The following ANKRD24 variants were observed in gnomAD, a reference collection of about 807,000 sequenced individuals.
ANKRD24 encodes ankyrin repeat domain-containing protein 24.
In ANKRD24, 109 loss-of-function variants were observed where a neutral mutation model predicts 127.8. The ratio of observed to expected loss-of-function variants is 0.85; its 90% confidence interval spans 0.73 to 1.00. ANKRD24 has a LOEUF of 1.00. ANKRD24 is among the 50% of genes least tolerant of loss of function. The pLI is 0.00. For missense variants in ANKRD24, 1,648 were observed against 1,570.2 expected, an observed-to-expected ratio of 1.05 and a Z score of -0.84; for synonymous variants, 743 against 671.1, an observed-to-expected ratio of 1.11 and a Z score of -1.66.
chr19:4,190,291 C>T (rs1415574132), intron 2 of ANKRD24, among the ~76,000 whole-genome samples: 3 of 151,672 alleles, frequency 2.0e-5, no homozygotes, highest in African/African-American at 4.8e-5. Flanking sequence ...AAAAATCAGC[C>T]GGGCGTGGTG....
chr19:4,185,180 G>A (rs1385983422), intron 1 of ANKRD24, among the ~76,000 whole-genome samples: 1 of 151,660 alleles, frequency 6.6e-6, no homozygotes, highest in Non-Finnish European at 1.5e-5. Context: ...GGATGGATGG[G>A]TGGATGAGTG....
chr19:4,195,238 A>T lies in ANKRD24; in HGVS notation c.37-4445A>T, dbSNP rs949563393. 6.6e-6 allele frequency among the ~76,000 whole-genome samples: 1 copy of T among 151,682 alleles called. No individual in the cohort carries two copies. Among genetic ancestry groups the T allele is most frequent in the East Asian group, 2.0e-4 (1 of 5,116 alleles). On this transcript the variant is annotated intron_variant, in intron 2 of 21. Coordinates refer to ENST00000318934, the MANE Select transcript of ANKRD24 (RefSeq NM_001393985.1). The surrounding 1 kb of genome is among the most constrained non-coding windows in gnomAD (Gnocchi z 4.2). ...CAGGCGCCCACCACCACGCCCGGCT[A>T]ATTTTTTGTATTTTTAGTAGAGACG...
At chr19:4,182,939 C>T (rs1323056723) in intron 1 of ANKRD24, among the ~76,000 whole-genome samples, 199 bp downstream of exon 1, 5 of 144,564 alleles carry the variant, frequency 3.5e-5, no homozygotes, top group African/African-American at 1.3e-4. Flanking sequence ...TTTTGAATGC[C>T]ACGCAGAGTT....
Position 4,217,971 on chromosome 19 carries a change from G to A in ANKRD24, c.2811G>A (p.Glu937=), listed in dbSNP as rs1167904395. 3.3e-6 allele frequency: 5 copies of A among 1,519,076 alleles called. No individual in the cohort carries two copies. The highest frequency in any genetic ancestry group is 2.9e-5 in the African/African-American group (2 of 70,064). The allele number at this position is 1,519,076 out of a possible 1,614,324, so 94.1% of individuals were successfully genotyped here. ...TGCGGGGCCGGGCAGCCAGTCTGGA[G>A]CAGGAGGTGGTGGCCACGGGCAAGG... ...LELRGRAASL[E]QEVVATGKEA... Residue 937 remains glutamate, a synonymous_variant, in exon 18 of 22, where the codon GAG becomes GAA. Transcript: ENST00000318934.
chr19:4,217,873 G>T lies in ANKRD24; in HGVS notation c.2713G>T (p.Ala905Ser), dbSNP rs1181731360. ...GCAGGGCCTGGCCGAGCTGCGGGAG[G>T]CCTCCGAGGCCCTCCGCCAGTCCGT... ...ARQGLAELRE[A>S]SEALRQSVVP... Residue 905 changes from alanine (A) to serine (S), a missense_variant, in exon 18 of 22, where the codon GCC (alanine) becomes TCC (serine). Physicochemically the swap from Ala to Ser is moderately conservative, Grantham distance 99. Transcript: ENST00000318934. 4.0e-5 allele frequency: 58 copies of T among 1,459,950 alleles called. No individual in the cohort carries two copies. In the East Asian group the frequency reaches 8.0e-4, roughly 20 times the overall value. 90.4% of individuals were successfully genotyped at this position (1,459,950 alleles called of 1,614,324 possible).
rs868290834 is a variant in ANKRD24 at position 4,208,786 on chromosome 19, C to A, written c.855C>A (p.Gly285=). The change falls in exon 11 of 22, where the codon GGC becomes GGA. Residue 285 remains glycine (G), a synonymous_variant. Coordinates refer to ENST00000318934, the MANE Select transcript of ANKRD24 (RefSeq NM_001393985.1). ...CAGCCCTCACAGAGGATGATTCAGG[C>A]GAGGCGTCATCTCAGGTATGGACCC... The part of the protein sequence containing the change: ...PPSALTEDDS[G]EASSQNSMSS... 9 of 1,613,200 alleles carry A rather than the reference C, an allele frequency of 5.6e-6. No individual in the cohort carries two copies. Among genetic ancestry groups the A allele is most frequent in the African/African-American group, 5.3e-5 (4 of 75,000 alleles).
At position 4,208,745 on chromosome 19, in the gene ANKRD24, T is replaced by G. The variant is rs1303010206; in HGVS notation, c.833-19T>G. The G allele has an allele frequency of 6.2e-7, 1 of 1,611,042 alleles. No homozygotes were observed. Among genetic ancestry groups the G allele is most frequent in the Non-Finnish European group, 8.5e-7 (1 of 1,178,626 alleles). ...GGCCTGGGAACAGAATGCCTGACCC[T>G]GCTTCCCTCTCTCCCCAGCCCTCAC... On this transcript the variant is annotated intron_variant, in intron 10 of 21. Transcript: ENST00000318934.
intron 2 of ANKRD24, among the ~76,000 whole-genome samples, chr19:4,196,419 A>G (rs1209141931): frequency 1.3e-5 from 2 of 152,124 alleles, no homozygotes; most frequent in Admixed American, 1.3e-4. Context: ...TCTGTCACCC[A>G]GGCTGGAGTG....
At chr19:4,200,265 TCCCCGCTGAAAAA>T in intron 5 of ANKRD24, 94 bp downstream of exon 5, 2 of 1,320,502 alleles carry the variant, frequency 1.5e-6, no homozygotes, top group Non-Finnish European at 2.0e-6. Context: ...GTCTCAATGT[TCCCCGCTGAAAAA>T]AGGGGAGGCT....
chr19:4,186,506 G>T lies in ANKRD24; in HGVS notation c.36+45G>T, dbSNP rs775901279. 4 of 1,569,766 alleles carry T rather than the reference G, an allele frequency of 2.5e-6. No homozygotes were observed. The Middle Eastern group carries it at 6.6e-4, about 261-fold the overall frequency. ...TGCCCGATACACCCCTGCAACTTCA[G>T]CCTTCTGTCTCCTGGGGCTTGGCTG... On this transcript the variant is annotated intron_variant, in intron 2 of 21. Coordinates refer to ENST00000318934, the MANE Select transcript of ANKRD24 (RefSeq NM_001393985.1).
chr19:4,182,738 C>A lies in ANKRD24; in HGVS notation c.-39C>A. 3 of 1,397,804 alleles carry A rather than the reference C, an allele frequency of 2.1e-6. No individual in the cohort carries two copies. The highest frequency in any genetic ancestry group is 1.6e-5 in the South Asian group (1 of 62,402). The allele number at this position is 1,397,804 out of a possible 1,614,324, so 86.6% of individuals were successfully genotyped here. A position where few individuals can be genotyped will look rare whatever the true frequency, so the allele number is the denominator to read the frequency against. ...AGAAGGAAGCCTGCCTCTTTGCATGCAGGTGTTTGCGGGGCTTGGGAAGGG... is the reference window on the plus strand; with the variant it reads ...AGAAGGAAGCCTGCCTCTTTGCATGAAGGTGTTTGCGGGGCTTGGGAAGGG... On this transcript the variant is annotated splice_region_variant and 5_prime_UTR_variant, in exon 1 of 22. Coordinates refer to ENST00000318934, the MANE Select transcript of ANKRD24 (RefSeq NM_001393985.1).
chr19:4,199,685 G>A lies in ANKRD24; in HGVS notation c.39G>A (p.Leu13=), dbSNP rs938343418. The part of the protein sequence containing the change: ...TLRARFKKTE[L]RLSPTDLGSC... ...CCCAGGACCACCTCCCCCTGCAGCTGCGGCTCAGCCCCACTGACCTTGGCT... is the reference window on the plus strand; with the variant it reads ...CCCAGGACCACCTCCCCCTGCAGCTACGGCTCAGCCCCACTGACCTTGGCT... Residue 13 remains leucine, a splice_region_variant and synonymous_variant, in exon 3 of 22, where the codon CTG becomes CTA. Coordinates refer to ENST00000318934, the MANE Select transcript of ANKRD24 (RefSeq NM_001393985.1). This position sits in a 1 kb window ranked among gnomAD's most constrained non-coding sequence, Gnocchi z 5.2. The A allele has an allele frequency of 1.3e-6, 2 of 1,528,956 alleles. No individual in the cohort carries two copies. Among genetic ancestry groups the A allele is most frequent in the East Asian group, 4.9e-5 (2 of 40,758 alleles). The allele number at this position is 1,528,956 out of a possible 1,614,324, so 94.7% of individuals were successfully genotyped here. A position where few individuals can be genotyped will look rare whatever the true frequency, so the allele number is the denominator to read the frequency against.
chr19:4,219,781 T>C (rs765841045), intron 19 of ANKRD24, 23 bp downstream of exon 19: 2 of 1,581,152 alleles, frequency 1.3e-6, no homozygotes, highest in Admixed American at 3.5e-5. Context: ...TCTCCCACAC[T>C]CAGTCAGGGA....
chr19:4,197,228 A>G (rs563020327), intron 2 of ANKRD24, among the ~76,000 whole-genome samples: 10 of 152,274 alleles, frequency 6.6e-5, no homozygotes, highest in African/African-American at 2.2e-4. Context: ...ATTCAAATTC[A>G]GGTGTGTAGG....
At chr19:4,192,481 G>C (rs1014667532) in intron 2 of ANKRD24, among the ~76,000 whole-genome samples, 9 of 151,226 alleles carry the variant, frequency 6.0e-5, no homozygotes, top group African/African-American at 1.9e-4. Context: ...AAAGTGCTGG[G>C]ATTACAGGCG....
rs200129205 is a variant in ANKRD24 at position 4,216,416 on chromosome 19, G to A, written c.1389+14G>A. ...GAGAAGGTCCAGGTAGGGAAAGTGA[G>A]GCTGGGGACAGATCTGAGGACCTAG... On this transcript the variant is annotated intron_variant, in intron 17 of 21. Transcript: ENST00000318934. The A allele has an allele frequency of 6.4e-7, 1 of 1,560,578 alleles. No individual in the cohort carries two copies. The highest frequency in any genetic ancestry group is 2.4e-5 in the East Asian group (1 of 41,592).
intron 13 of ANKRD24, 58 bp downstream of exon 13, chr19:4,210,430 TG>T (rs1268647218): frequency 4.3e-6 from 6 of 1,381,430 alleles, no homozygotes; most frequent in Admixed American, 5.0e-5. Context: ...AATGCAGGCA[TG>T]AAGATCCCCC....
intron 21 of ANKRD24, 105 bp from the exon 22 acceptor site, chr19:4,224,323 G>C (rs1306060928): frequency 7.0e-7 from 1 of 1,430,492 alleles, no homozygotes; most frequent in East Asian, 2.5e-5. Context: ...GAGCCCCCCT[G>C]TGTGCATTTC....
At chr19:4,213,647 G>A (rs1256310552) in intron 15 of ANKRD24, among the ~76,000 whole-genome samples, 1 of 151,650 alleles carries the variant, frequency 6.6e-6, no homozygotes, top group Non-Finnish European at 1.5e-5. Flanking sequence ...GGGGAGTGGG[G>A]AGGATGGAGT....
Sources: gnomAD v4.1 joint callset for allele counts (sites outside exome capture counted in the v4.1 genomes callset) on GRCh38, gnomAD v4.1.1 for gene constraint, Gnocchi (gnomAD v3.1) non-coding constraint, MANE v1.5 for transcripts, NCBI Gene and HGNC (gene_info 2026-07-23, HGNC 2026-07-21) for gene names.